Variants in DGKG observed in about 807,000 individuals in gnomAD.
DGKG encodes diacylglycerol kinase gamma.
DGKG carries 78 observed loss-of-function variants against 105.3 expected under a neutral mutation model. The observed-to-expected ratio is 0.74, with a 90% CI of 0.62 to 0.89. The LOEUF (loss-of-function observed/expected upper bound fraction) is 0.89, where lower values mean the gene tolerates loss of function less well. Ranked by LOEUF, DGKG falls within the 40% of genes least tolerant of loss-of-function variation. DGKG has a pLI of 0.00. For missense variants in DGKG, 958 were observed against 1,020.1 expected, an observed-to-expected ratio of 0.94 and a Z score of 0.83; for synonymous variants, 346 against 367.1, an observed-to-expected ratio of 0.94 and a Z score of 0.66.
intron 21 of DGKG, among the ~76,000 whole-genome samples, chr3:186,211,481 G>A (rs1719035313): frequency 6.6e-6 from 1 of 152,158 alleles, no homozygotes; most frequent in Non-Finnish European, 1.5e-5. Flanking sequence ...CTGTGCTGAC[G>A]GCAATGGAGA....
chr3:186,311,533 G>T (rs1724543067), intron 2 of DGKG, among the ~76,000 whole-genome samples: 2 of 152,086 alleles, frequency 1.3e-5, no homozygotes, highest in Non-Finnish European at 2.9e-5. Flanking sequence ...TTTGATCAAG[G>T]TTACCAGTGC....
chr3:186,173,400 G>A (rs1716922949), intron 22 of DGKG, among the ~76,000 whole-genome samples: 1 of 152,214 alleles, frequency 6.6e-6, no homozygotes, highest in African/African-American at 2.4e-5. Flanking sequence ...GGTGTGTGTG[G>A]GAACCTCTTA....
intron 22 of DGKG, among the ~76,000 whole-genome samples, chr3:186,180,137 G>T (rs1440907543): frequency 6.6e-6 from 1 of 152,140 alleles, no homozygotes; most frequent in Non-Finnish European, 1.5e-5. Flanking sequence ...AGCCAGTCGT[G>T]AAGGGAAACA....
intron 22 of DGKG, among the ~76,000 whole-genome samples, chr3:186,180,396 A>G (rs1297251942): frequency 6.6e-6 from 1 of 152,150 alleles, no homozygotes; most frequent in East Asian, 1.9e-4. Flanking sequence ...AATGACATGT[A>G]TGTTGCCATG....
intron 9 of DGKG, among the ~76,000 whole-genome samples, chr3:186,278,408 C>T (rs544547828): frequency 6.6e-6 from 1 of 152,222 alleles, no homozygotes; most frequent in African/African-American, 2.4e-5. Flanking sequence ...AGCTTCTTGG[C>T]AAGGGATCAT....
At chr3:186,272,465 A>G (rs532300291) in intron 10 of DGKG, 122 bp from the exon 11 acceptor site, 1 of 703,826 alleles carries the variant, frequency 1.4e-6, no homozygotes, top group Admixed American at 2.4e-5. Context: ...GGCAGGGGAC[A>G]CATGGGGCTG....
chr3:186,204,377 T>A (rs1375548202), intron 21 of DGKG, among the ~76,000 whole-genome samples: 1 of 152,046 alleles, frequency 6.6e-6, no homozygotes, highest in East Asian at 1.9e-4. Context: ...CTGCACTCCA[T>A]CCTGGGTGAC....
chr3:186,206,864 C>T (rs1718769928), intron 21 of DGKG, among the ~76,000 whole-genome samples: 1 of 152,212 alleles, frequency 6.6e-6, no homozygotes, highest in Non-Finnish European at 1.5e-5. Flanking sequence ...ATTCTCCTGC[C>T]TCAGCCCCCC....
intron 1 of DGKG, among the ~76,000 whole-genome samples, chr3:186,327,430 A>T (rs1470194236): frequency 1.4e-5 from 2 of 138,684 alleles, no homozygotes; most frequent in Admixed American, 7.7e-5. Flanking sequence ...TCTGTCACCC[A>T]TGCTGGAGAG....
At position 186,259,320 on chromosome 3, in the gene DGKG, C is replaced by T. The variant is rs114296269; in HGVS notation, c.1424+1119G>A. 4.7e-3 allele frequency among the ~76,000 whole-genome samples: 722 copies of T among 152,238 alleles called. 5 individuals are homozygous for T. Among genetic ancestry groups the T allele is most frequent in the African/African-American group, 0.015 (607 of 41,544 alleles). On this transcript the variant is annotated intron_variant, in intron 16 of 24. Transcript: ENST00000265022. Reference sequence around the variant, plus strand: ...TTTGACAGTGGGCTGGTAAAGGTGTCTGTGGGGGGCTGCTCCGTCACAAGG... The same window carrying T: ...TTTGACAGTGGGCTGGTAAAGGTGTTTGTGGGGGGCTGCTCCGTCACAAGG...
At chr3:186,297,155 G>C (rs998793016) in intron 5 of DGKG, among the ~76,000 whole-genome samples, 1 of 151,492 alleles carries the variant, frequency 6.6e-6, no homozygotes, top group African/African-American at 2.4e-5. Context: ...ACATATCAGA[G>C]ATAAACATCT....
intron 1 of DGKG, among the ~76,000 whole-genome samples, chr3:186,321,982 C>T (rs140621288): frequency 5.9e-4 from 90 of 152,242 alleles, no homozygotes; most frequent in Middle Eastern, 6.8e-3. Context: ...GACCTAGCTG[C>T]CAAATCCAGC....
chr3:186,229,407 G>A (rs1720023866), intron 20 of DGKG, among the ~76,000 whole-genome samples: 1 of 152,032 alleles, frequency 6.6e-6, no homozygotes, highest in Non-Finnish European at 1.5e-5. Flanking sequence ...ACCATGCCCG[G>A]CTAATTTTTG....
At chr3:186,354,416 T>A (rs899062222) in intron 1 of DGKG, among the ~76,000 whole-genome samples, 4 of 152,222 alleles carry the variant, frequency 2.6e-5, no homozygotes, top group Admixed American at 6.5e-5. Flanking sequence ...AAAACTTGGT[T>A]TCTCTGCAGA....
At position 186,220,347 on chromosome 3, in the gene DGKG, T is replaced by C. The variant is rs112598687; in HGVS notation, c.1827-8462A>G. ...ATACCAGGGCTCCATGGTGGTTCTC[T>C]TCTAAGCCATGGCAGCCTTCTCACG... On this transcript the variant is annotated intron_variant, in intron 20 of 24. Coordinates refer to ENST00000265022, the MANE Select transcript of DGKG (RefSeq NM_001346.3). 7.3e-3 allele frequency among the ~76,000 whole-genome samples: 1,119 copies of C among 152,298 alleles called. 19 individuals are homozygous for C. The highest frequency in any genetic ancestry group is 0.025 in the African/African-American group (1,041 of 41,548).
intron 5 of DGKG, among the ~76,000 whole-genome samples, chr3:186,289,941 C>G (rs766318643): frequency 7.9e-5 from 12 of 152,260 alleles, no homozygotes; most frequent in Non-Finnish European, 1.3e-4. Context: ...TAGATGAAAG[C>G]CTTCCAGGTT....
intron 1 of DGKG, among the ~76,000 whole-genome samples, chr3:186,357,245 A>G (rs1328740463): frequency 2.0e-5 from 3 of 151,976 alleles, no homozygotes; most frequent in African/African-American, 7.3e-5. Context: ...CCTGAGCAAA[A>G]TTTTGCACTC....
At chr3:186,240,186 CT>C (rs1277015654) in intron 20 of DGKG, among the ~76,000 whole-genome samples, 1 of 152,164 alleles carries the variant, frequency 6.6e-6, no homozygotes, top group Non-Finnish European at 1.5e-5. Flanking sequence ...TTCCTTCTCC[CT>C]GTGTTGCCCT....
chr3:186,304,772 G>A (rs189166996), intron 3 of DGKG, among the ~76,000 whole-genome samples: 180 of 152,300 alleles, frequency 1.2e-3, no homozygotes, highest in Non-Finnish European at 2.0e-3. Flanking sequence ...ACAGTTTATA[G>A]ATGAGGAAAG....
Sources: gnomAD v4.1 joint callset for allele counts (sites outside exome capture counted in the v4.1 genomes callset) on GRCh38, gnomAD v4.1.1 for gene constraint, MANE v1.5 for transcripts, NCBI Gene and HGNC (gene_info 2026-07-23, HGNC 2026-07-21) for gene names.